The following BST1 variants were observed in gnomAD, a reference collection of about 807,000 sequenced individuals.
BST1 encodes bone marrow stromal cell antigen 1.
BST1 carries 49 observed loss-of-function variants against 40.6 expected under a neutral mutation model. The ratio of observed to expected loss-of-function variants is 1.21; its 90% CI spans 0.96 to 1.53. BST1 has a LOEUF of 1.53. Among genes scored for constraint, BST1 ranks in the 40% most tolerant of loss-of-function variants. The pLI, the probability that BST1 is intolerant of heterozygous loss-of-function variation, is 0.00. For missense variants in BST1, 423 were observed against 395.9 expected (o/e 1.07, Z -0.58); for synonymous variants, 157 against 159.3 (o/e 0.99, Z 0.11).
At chr4:15,769,582 G>A in the BST1 span, among the ~76,000 whole-genome samples, 2 of 152,144 alleles carry the variant, frequency 1.3e-5, no homozygotes, top group Non-Finnish European at 2.9e-5. Flanking sequence ...ATTGGAGTCT[G>A]GGCTCTGGTG....
the BST1 span, among the ~76,000 whole-genome samples, chr4:15,748,389 A>C: frequency 6.6e-6 from 1 of 152,038 alleles, no homozygotes; most frequent in Non-Finnish European, 1.5e-5. Flanking sequence ...TTCCAGGCAA[A>C]GGGAGCTGCT....
the BST1 span, among the ~76,000 whole-genome samples, chr4:15,760,634 A>C: frequency 4.0e-5 from 6 of 151,566 alleles, 1 homozygote; most frequent in African/African-American, 1.2e-4. Flanking sequence ...TGGTAAAAAT[A>C]TAATTTTTCC....
intron 8 of BST1, among the ~76,000 whole-genome samples, chr4:15,726,365 G>GT (rs1721114635): frequency 1.3e-5 from 2 of 152,134 alleles, no homozygotes; most frequent in African/African-American, 4.8e-5. Context: ...CGAATGAATG[G>GT]TTGGATTCTA....
chr4:15,707,697 G>A, intron 3 of BST1, 51 bp downstream of exon 3: 1 of 1,596,288 alleles, frequency 6.3e-7, no homozygotes, highest in Non-Finnish European at 8.5e-7. Flanking sequence ...TATTTACTAT[G>A]CATTACCATT....
At chr4:15,762,754 T>C in the BST1 span, among the ~76,000 whole-genome samples, 1,713 of 152,196 alleles carry the variant, frequency 0.011, 60 homozygotes, top group African/African-American at 0.039. Context: ...CTCTCTGCTA[T>C]GAGTTTGGTT....
intron 4 of BST1, among the ~76,000 whole-genome samples, chr4:15,714,269 C>G (rs550421181): frequency 6.6e-6 from 1 of 152,096 alleles, no homozygotes; most frequent in Admixed American, 6.5e-5. Flanking sequence ...GCCACCTATA[C>G]GTCAGTGCCA....
downstream of BST1, among the ~76,000 whole-genome samples, chr4:15,737,395 GA>G (rs1721607189): frequency 6.6e-6 from 1 of 152,104 alleles, no homozygotes; most frequent in Non-Finnish European, 1.5e-5. Context: ...AGAAAACATA[GA>G]CATAGAAAGC....
At chr4:15,772,928 G>A in the BST1 span, among the ~76,000 whole-genome samples, 2 of 152,208 alleles carry the variant, frequency 1.3e-5, no homozygotes, top group East Asian at 1.9e-4. Context: ...AGAAGCAGAC[G>A]TGGGCCAACA....
the BST1 span, among the ~76,000 whole-genome samples, chr4:15,761,483 A>G: frequency 6.6e-6 from 1 of 152,034 alleles, no homozygotes; most frequent in African/African-American, 2.4e-5. Flanking sequence ...AAAAAACAAG[A>G]AAGTAATTTC....
intron 8 of BST1, chr4:15,723,784 G>A (rs1720954488): frequency 3.7e-6 from 1 of 272,604 alleles, no homozygotes; most frequent in Non-Finnish European, 5.6e-6. Context: ...GTTTCAAAAA[G>A]GCTGTGCCAG....
chr4:15,761,137 C>T, the BST1 span, among the ~76,000 whole-genome samples: 936 of 152,012 alleles, frequency 6.2e-3, 8 homozygotes, highest in Non-Finnish European at 9.2e-3. Context: ...CCCCGCCTCC[C>T]GGGTTCAAGT....
intron 8 of BST1, among the ~76,000 whole-genome samples, chr4:15,724,503 A>G (rs545331628): frequency 2.0e-5 from 3 of 152,216 alleles, no homozygotes; most frequent in South Asian, 2.1e-4. Flanking sequence ...CCTGACCAAC[A>G]TGGTGAAACC....
chr4:15,739,137 A>C (rs530181876), downstream of BST1, among the ~76,000 whole-genome samples: 1 of 152,328 alleles, frequency 6.6e-6, no homozygotes, highest in Non-Finnish European at 1.5e-5. Context: ...GGGCACAGCT[A>C]TTGCTGAGAC....
At chr4:15,715,206 C>A (rs1720438193) in intron 4 of BST1, 79 bp from the exon 5 acceptor site, 4 of 1,312,672 alleles carry the variant, frequency 3.0e-6, no homozygotes, top group African/African-American at 1.5e-5. Flanking sequence ...TTAGAACTGA[C>A]AATTTGTAAA....
the BST1 span, among the ~76,000 whole-genome samples, chr4:15,754,964 C>T: frequency 6.6e-6 from 1 of 152,162 alleles, no homozygotes; most frequent in Admixed American, 6.5e-5. Flanking sequence ...ACACAAAATA[C>T]TTTGTACTCC....
chr4:15,750,741 G>T, the BST1 span, among the ~76,000 whole-genome samples: 1 of 152,178 alleles, frequency 6.6e-6, no homozygotes, highest in African/African-American at 2.4e-5. Flanking sequence ...ATGTAGAAAT[G>T]ATCATGCTTG....
chr4:15,759,570 G>A, the BST1 span, among the ~76,000 whole-genome samples: 9 of 151,168 alleles, frequency 6.0e-5, no homozygotes, highest in Non-Finnish European at 1.0e-4. Context: ...TCCTCCTCCT[G>A]TTTTTCTCAC....
intron 4 of BST1, 148 bp from the exon 5 acceptor site, chr4:15,715,137 C>T: frequency 1.5e-6 from 1 of 659,298 alleles, no homozygotes; most frequent in South Asian, 2.1e-5. Context: ...CAAAATAAAC[C>T]AGTTTGCATT....
chr4:15,771,874 T>C, the BST1 span, among the ~76,000 whole-genome samples: 1 of 152,236 alleles, frequency 6.6e-6, no homozygotes, highest in African/African-American at 2.4e-5. Context: ...AGTAGAATTC[T>C]AGGGGTCATC....
Sources: allele counts gnomAD v4.1 joint callset (sites outside exome capture counted in the v4.1 genomes callset), GRCh38; gene constraint gnomAD v4.1.1; transcripts MANE v1.5; gene names NCBI Gene and HGNC (gene_info 2026-07-23, HGNC 2026-07-21).